SLC2A9: variants seen among roughly 807,000 people sequenced by gnomAD.
SLC2A9 encodes the protein solute carrier family 2 member 9.
Under a neutral mutation model 50.6 loss-of-function variants are expected in SLC2A9, and 39 were observed. The ratio of observed to expected loss-of-function variants is 0.77; its 90% CI spans 0.60 to 1.01. The LOEUF (loss-of-function observed/expected upper bound fraction) is 1.01, where lower values mean the gene tolerates loss of function less well. SLC2A9 is among the 50% of genes least tolerant of loss of function. The pLI is 0.00. For synonymous variants in SLC2A9, 324 were observed against 276.9 expected (o/e 1.17, Z -1.69); for missense variants, 686 against 677.6 (o/e 1.01, Z -0.14).
intron 3 of SLC2A9, among the ~76,000 whole-genome samples, chr4:9,815,002 TG>T (rs759847439): frequency 6.6e-6 from 1 of 152,118 alleles, no homozygotes; most frequent in Non-Finnish European, 1.5e-5. Context: ...AGAGGTCCTG[TG>T]GTGTAGTGAT....
At chr4:10,015,699 G>A (rs1238345263) in intron 2 of SLC2A9, among the ~76,000 whole-genome samples, 2 of 152,200 alleles carry the variant, frequency 1.3e-5, no homozygotes, top group Non-Finnish European at 2.9e-5. Context: ...GAGGCCGTCT[G>A]CAAGCCAGAA....
chr4:10,003,759 T>C (rs1760282965), intron 2 of SLC2A9, among the ~76,000 whole-genome samples: 1 of 152,222 alleles, frequency 6.6e-6, no homozygotes, highest in African/African-American at 2.4e-5. Flanking sequence ...TCATGCATGA[T>C]ACAGAATGGG....
intron 10 of SLC2A9, among the ~76,000 whole-genome samples, chr4:9,835,828 TG>T (rs1427081785): frequency 6.6e-6 from 1 of 152,152 alleles, no homozygotes; most frequent in African/African-American, 2.4e-5. Flanking sequence ...GGCTCACACC[TG>T]TAATCCCAGC....
chr4:9,922,782 T>C (rs1234931700), intron 6 of SLC2A9: 2 of 152,250 alleles, frequency 1.3e-5, no homozygotes, highest in African/African-American at 2.4e-5. Context: ...TTATTCTCCA[T>C]TGAAACTTCT....
chr4:9,954,016 TC>T (rs1750764958), intron 5 of SLC2A9, among the ~76,000 whole-genome samples: 2 of 151,768 alleles, frequency 1.3e-5, no homozygotes, highest in South Asian at 4.2e-4. Flanking sequence ...TCCTTGTTGG[TC>T]AGGCTGGTCT....
rs111497146 is a variant in SLC2A9, at chr4:9,986,133, T to C, written c.411-340A>G. Among the ~76,000 whole-genome samples, 390 of 152,306 alleles carry C rather than the reference T, an allele frequency of 2.6e-3. 2 individuals carry two copies. Among genetic ancestry groups the C allele is most frequent in the African/African-American group, 8.7e-3 (361 of 41,568 alleles). On this transcript the variant is annotated intron_variant, in intron 3 of 11. Coordinates refer to ENST00000264784, the MANE Select transcript of SLC2A9 (RefSeq NM_020041.3). The stretch of plus-strand genomic sequence containing the variant: ...GTCCAGGCAGGAAAATGGAAACCAC[T>C]CTAGGTATTTTAATGGAGAGAATTT...
intron 6 of SLC2A9, chr4:9,924,290 C>G (rs1186843662): frequency 6.6e-6 from 1 of 152,308 alleles, no homozygotes; most frequent in African/African-American, 2.4e-5. Context: ...CAGCTTCCTA[C>G]ACCCAGCACC....
chr4:9,971,896 G>A (rs529237113), intron 5 of SLC2A9, among the ~76,000 whole-genome samples: 28 of 152,298 alleles, frequency 1.8e-4, no homozygotes, highest in African/African-American at 5.5e-4. Context: ...ATACTGCTGC[G>A]AGAACACCTG....
intron 5 of SLC2A9, among the ~76,000 whole-genome samples, chr4:9,955,148 A>AG (rs1750995336): frequency 6.6e-6 from 1 of 152,156 alleles, no homozygotes; most frequent in Non-Finnish European, 1.5e-5. Context: ...GCCCAATCCA[A>AG]GGGGAAGAAT....
intron 10 of SLC2A9, among the ~76,000 whole-genome samples, chr4:9,885,252 TC>T (rs1735981590): frequency 6.6e-6 from 1 of 152,162 alleles, no homozygotes; most frequent in Non-Finnish European, 1.5e-5. Flanking sequence ...CCTGCTCTCC[TC>T]TCCCTCCAGC....
At chr4:9,951,919 GGT>G (rs1750348889) in intron 5 of SLC2A9, among the ~76,000 whole-genome samples, 2 of 152,360 alleles carry the variant, frequency 1.3e-5, no homozygotes, top group Non-Finnish European at 2.9e-5. Flanking sequence ...AAAGCAGTGG[GGT>G]TAAGCTGACT....
downstream of SLC2A9, among the ~76,000 whole-genome samples, chr4:9,775,931 C>A (rs1176856847): frequency 3.3e-5 from 5 of 152,168 alleles, no homozygotes; most frequent in African/African-American, 4.8e-5. Flanking sequence ...GCTTCCAAGG[C>A]TACTGCAGCA....
chr4:9,931,974 A>C (rs927321569), intron 6 of SLC2A9, among the ~76,000 whole-genome samples: 731 of 56,656 alleles, frequency 0.013, 48 homozygotes, highest in South Asian at 0.036. Context: ...ATATATATAT[A>C]TATATATATA....
intron 2 of SLC2A9, among the ~76,000 whole-genome samples, chr4:10,017,183 A>C (rs952251642): frequency 2.0e-5 from 3 of 152,234 alleles, no homozygotes; most frequent in African/African-American, 7.2e-5. Context: ...TGAATAAGTG[A>C]GTAATGGGAT....
intron 5 of SLC2A9, among the ~76,000 whole-genome samples, chr4:9,944,395 G>A (rs1049729358): frequency 3.9e-5 from 6 of 152,182 alleles, no homozygotes; most frequent in Non-Finnish European, 5.9e-5. Flanking sequence ...GTTTCACATT[G>A]CATGACTTAT....
At chr4:10,033,974 A>C in intron 1 of SLC2A9, among the ~76,000 whole-genome samples, 2 of 150,134 alleles carry the variant, frequency 1.3e-5, no homozygotes, top group African/African-American at 2.5e-5. Flanking sequence ...CTTTTCTCCT[A>C]CTCTGTCCCC....
chr4:9,786,292 C>G (rs1246167802), intron 3 of SLC2A9, among the ~76,000 whole-genome samples: 2 of 152,188 alleles, frequency 1.3e-5, no homozygotes, highest in Admixed American at 1.3e-4. Flanking sequence ...AATAACCAGC[C>G]TGTGGTCACA....
intron 10 of SLC2A9, among the ~76,000 whole-genome samples, chr4:9,883,939 T>TG (rs1243117847): frequency 6.6e-6 from 1 of 152,116 alleles, no homozygotes; most frequent in Non-Finnish European, 1.5e-5. Context: ...GAGAAGAGGG[T>TG]GTTACCCCAG....
rs541446941 is a variant in SLC2A9, at chr4:9,828,500, A to C, written c.1420-1900T>G. 5.9e-5 allele frequency among the ~76,000 whole-genome samples: 9 copies of C among 152,324 alleles called. 1 individual carries two copies. In the South Asian group the frequency reaches 1.9e-3, roughly 32 times the overall value. On this transcript the variant is annotated intron_variant, in intron 11 of 11. Transcript: ENST00000264784. ...GCCAAAGTCCTCACCATGGCCTCCAAGGCCACCGACCATGTGTCCCTCTTA... is the reference window on the plus strand; with the variant it reads ...GCCAAAGTCCTCACCATGGCCTCCACGGCCACCGACCATGTGTCCCTCTTA...
Sources: allele counts gnomAD v4.1 joint callset (sites outside exome capture counted in the v4.1 genomes callset), GRCh38; gene constraint gnomAD v4.1.1; transcripts MANE v1.5; gene names NCBI Gene and HGNC (gene_info 2026-07-23, HGNC 2026-07-21).